The following PIGB variants were observed in gnomAD, a reference collection of about 807,000 sequenced individuals.
PIGB encodes the protein phosphatidylinositol glycan anchor biosynthesis class B.
A neutral mutation model predicts 68.4 loss-of-function variants in PIGB; 58 were observed. The observed-to-expected ratio is 0.85, with a 90% CI of 0.69 to 1.06. The LOEUF (loss-of-function observed/expected upper bound fraction) is 1.06. PIGB is among the 50% of genes least tolerant of loss of function. The pLI, the probability that PIGB is intolerant of heterozygous loss-of-function variation, is 0.00. For missense variants in PIGB, 634 were observed against 655.8 expected, an observed-to-expected ratio of 0.97 and a Z score of 0.36; for synonymous variants, 219 against 220.5, an observed-to-expected ratio of 0.99 and a Z score of 0.06.
intron 9 of PIGB, among the ~76,000 whole-genome samples, chr15:55,348,990 G>C (rs2055865368): frequency 6.6e-6 from 1 of 152,062 alleles, no homozygotes; most frequent in Non-Finnish European, 1.5e-5. Context: ...CTGTTGCCCA[G>C]GCTGGAGTGC....
chr15:55,350,845 AAC>A lies in PIGB; in HGVS notation c.1272_1273del (p.Asn424LysfsTer4). The stretch of plus-strand genomic sequence containing the variant: ...GAGTCATATTCAAAAAGTTTGTTAC[AAC>A]AATCCCAATAAATCTTCAGCTTCAA... ...VMSHIQKVCY[N>X]NPNKSSASIF... On this transcript the variant is annotated frameshift_variant, in exon 10 of 12. Coordinates refer to ENST00000164305, the MANE Select transcript of PIGB (RefSeq NM_004855.5). LOFTEE classifies it high-confidence loss of function. 1 of 1,610,552 alleles carries A rather than the reference AAC, an allele frequency of 6.2e-7. No homozygotes were observed. The highest frequency in any genetic ancestry group is 2.2e-5 in the East Asian group (1 of 44,774).
At chr15:55,324,009 TC>T (rs1206719071) in intron 3 of PIGB, among the ~76,000 whole-genome samples, 2 of 152,162 alleles carry the variant, frequency 1.3e-5, no homozygotes, top group African/African-American at 4.8e-5. Context: ...TGCCTCAGCC[TC>T]CCGAGTAGCT....
chr15:55,327,554 A>T lies in PIGB; in HGVS notation c.441A>T (p.Gln147His), dbSNP rs777605703. ...QLLIWIPRLA[Q>H]ALLSAVADVR... ...AGATTTGGATTCCTAGACTTGCCCA[A>T]GCACTTCTGTCTGCTGTAGCAGATG... Residue 147 changes from glutamine (Q) to histidine (H), a missense_variant, in exon 4 of 12, where the codon CAA becomes CAT. Gln to His is a conservative substitution (Grantham distance 24). Coordinates refer to ENST00000164305, the MANE Select transcript of PIGB (RefSeq NM_004855.5). 6.2e-7 allele frequency: 1 copy of T among 1,610,374 alleles called. No homozygotes were observed. The highest frequency in any genetic ancestry group is 1.3e-5 in the African/African-American group (1 of 74,818).
intron 4 of PIGB, among the ~76,000 whole-genome samples, chr15:55,328,127 A>C (rs1209735189): frequency 6.6e-6 from 1 of 152,218 alleles, no homozygotes; most frequent in Non-Finnish European, 1.5e-5. Context: ...CGTTTGTGCC[A>C]CAACAATATT....
chr15:55,320,464 T>C, intron 2 of PIGB, 54 bp downstream of exon 2: 1 of 1,558,256 alleles, frequency 6.4e-7, no homozygotes. Context: ...TCTTGGAAAT[T>C]GTGCTCAGTT....
At chr15:55,344,534 G>A (rs1326262511) in intron 9 of PIGB, among the ~76,000 whole-genome samples, 1 of 152,208 alleles carries the variant, frequency 6.6e-6, no homozygotes, top group African/African-American at 2.4e-5. Context: ...ATAGTGGGAT[G>A]GGACACAGGA....
At chr15:55,340,947 T>C in intron 8 of PIGB, 124 bp downstream of exon 8, 2 of 624,804 alleles carry the variant, frequency 3.2e-6, no homozygotes, top group East Asian at 5.6e-5. Context: ...GGAATTATCT[T>C]AGAAGATACA....
chr15:55,344,316 C>G (rs1425599188), intron 9 of PIGB, among the ~76,000 whole-genome samples: 1 of 152,254 alleles, frequency 6.6e-6, no homozygotes, highest in Non-Finnish European at 1.5e-5. Flanking sequence ...GTCTTCTCAG[C>G]TCTTCTGAGT....
At chr15:55,323,214 G>A (rs2055206059) in intron 3 of PIGB, among the ~76,000 whole-genome samples, 1 of 152,194 alleles carries the variant, frequency 6.6e-6, no homozygotes, top group South Asian at 2.1e-4. Flanking sequence ...GGTTGGAGAA[G>A]TGAAGTAAAT....
intron 6 of PIGB, among the ~76,000 whole-genome samples, chr15:55,337,926 A>G (rs528259907): frequency 6.6e-6 from 1 of 152,358 alleles, no homozygotes; most frequent in African/African-American, 2.4e-5. Flanking sequence ...TACATATGGT[A>G]TGATCCTATT....
intron 3 of PIGB, among the ~76,000 whole-genome samples, chr15:55,325,403 G>T (rs544514392): frequency 6.6e-6 from 1 of 152,120 alleles, no homozygotes; most frequent in African/African-American, 2.4e-5. Context: ...AACAAACCAA[G>T]ATTAAATTGT....
In PIGB at chr15:55,341,738, C is replaced by T. The variant is rs367727920; in HGVS notation, c.1059C>T (p.Ser353=). ...VTVLWTLLVY[S]MLSHKEFRFI... ...TTAATAATATTTGTTTTTATTACAG[C>T]ATGTTGAGCCACAAAGAATTCAGGT... is the stretch of plus-strand genomic sequence containing the variant. The change falls in exon 9 of 12, where the codon AGC becomes AGT. Residue 353 remains serine (S), a splice_region_variant and synonymous_variant. Transcript: ENST00000164305. 42 of 1,369,970 alleles carry T rather than the reference C, an allele frequency of 3.1e-5. No individual in the cohort carries two copies. Among genetic ancestry groups the T allele is most frequent in the Non-Finnish European group, 4.0e-5 (41 of 1,019,934 alleles). The allele number at this position is 1,369,970 out of a possible 1,614,324, so 84.9% of individuals were successfully genotyped here.
chr15:55,342,065 G>A lies in PIGB; in HGVS notation c.1123+263G>A, dbSNP rs2055683266. ...CCAGCTACTCAGAAGCCTGAGGCAGGAGGATCACCTGAGCCCAGGAGTTTG... is the reference window on the plus strand; with the variant it reads ...CCAGCTACTCAGAAGCCTGAGGCAGAAGGATCACCTGAGCCCAGGAGTTTG... On this transcript the variant is annotated intron_variant, in intron 9 of 11. Transcript: ENST00000164305. Among the ~76,000 whole-genome samples, 5 of 152,146 alleles carry A rather than the reference G, an allele frequency of 3.3e-5. No homozygotes were observed. The South Asian group carries it at 8.3e-4, about 25-fold the overall frequency.
intron 9 of PIGB, chr15:55,350,325 C>A: frequency 5.3e-6 from 1 of 186,960 alleles, no homozygotes; most frequent in Non-Finnish European, 1.1e-5. Flanking sequence ...ATTAAAAGTC[C>A]TATTTATTTA....
intron 7 of PIGB, 131 bp downstream of exon 7, chr15:55,339,449 CT>C: frequency 1.6e-6 from 1 of 612,698 alleles, no homozygotes; most frequent in Non-Finnish European, 2.8e-6. Context: ...CCTAATAAGC[CT>C]TTGGTTCAAT....
chr15:55,352,736 G>T (rs977184372), intron 10 of PIGB, among the ~76,000 whole-genome samples: 1 of 152,134 alleles, frequency 6.6e-6, no homozygotes, highest in Non-Finnish European at 1.5e-5. Context: ...CAACCTGGGC[G>T]ACAGAGCGAG....
At position 55,353,998 on chromosome 15, in the gene PIGB, TA is replaced by T. The variant is rs1555405990; in HGVS notation, c.1338-788del. ...CTCTCTACTTCTCAATCATCTTAAA[TA>T]AAAAAAAAAAACACTTCAAACTTGC... On this transcript the variant is annotated intron_variant, in intron 10 of 11. Transcript: ENST00000164305. Among the ~76,000 whole-genome samples the T allele has an allele frequency of 6.9e-4, 77 of 111,874 alleles. 1 individual carries two copies. Among genetic ancestry groups the T allele is most frequent in the East Asian group, 1.9e-3 (9 of 4,802 alleles). 73.4% of individuals were successfully genotyped at this position (111,874 alleles called of 152,430 possible).
intron 5 of PIGB, among the ~76,000 whole-genome samples, chr15:55,333,279 CGT>C (rs1284595512): frequency 2.0e-5 from 3 of 152,094 alleles, no homozygotes; most frequent in African/African-American, 7.2e-5. Flanking sequence ...ACCCAGAAAG[CGT>C]AAGTAACCTG....
At chr15:55,336,085 C>T (rs923375045) in intron 6 of PIGB, among the ~76,000 whole-genome samples, 4 of 152,134 alleles carry the variant, frequency 2.6e-5, no homozygotes, top group African/African-American at 9.7e-5. Flanking sequence ...AGGGTTACAT[C>T]TTGATAAACT....
Sources: gnomAD v4.1 joint callset for allele counts (sites outside exome capture counted in the v4.1 genomes callset) on GRCh38, gnomAD v4.1.1 for gene constraint, MANE v1.5 for transcripts, NCBI Gene and HGNC (gene_info 2026-07-23, HGNC 2026-07-21) for gene names.